The following RBM5 variants were observed in gnomAD, a reference collection of about 807,000 sequenced individuals.
RBM5 encodes RNA-binding protein 5.
A neutral mutation model predicts 124.6 loss-of-function variants in RBM5; 15 were observed. That is an observed-to-expected ratio of 0.12 (90% CI 0.08 to 0.19). The LOEUF is 0.19. RBM5 is among the 10% of genes least tolerant of loss of function. The pLI, the probability that RBM5 is intolerant of heterozygous loss-of-function variation, is 1.00. For synonymous variants in RBM5, 337 were observed against 361.2 expected, an observed-to-expected ratio of 0.93 and a Z score of 0.76; for missense variants, 580 against 1,026.5, an observed-to-expected ratio of 0.57 and a Z score of 5.94.
Position 50,117,414 on chromosome 3 carries a change from G to A in RBM5, c.2322+35G>A, listed in dbSNP as rs202141974. 1.2e-5 allele frequency: 20 copies of A among 1,610,756 alleles called. No individual in the cohort carries two copies. In the African/African-American group the frequency reaches 2.5e-4, roughly 20 times the overall value. On this transcript the variant is annotated intron_variant, in intron 24 of 24. Transcript: ENST00000347869. This position sits in a 1 kb window ranked among gnomAD's most constrained non-coding sequence, Gnocchi z 4.2. Reference sequence around the variant, plus strand: ...GGGGTCAGGTCTTGATGTTTGCCAGGCTTACAGGCCGGTTCCAGAGATGAG... The same window carrying A: ...GGGGTCAGGTCTTGATGTTTGCCAGACTTACAGGCCGGTTCCAGAGATGAG...
At chr3:50,113,731 T>G (rs1455675377) in intron 18 of RBM5, among the ~76,000 whole-genome samples, 187 bp downstream of exon 18, 1 of 152,220 alleles carries the variant, frequency 6.6e-6, no homozygotes, top group African/African-American at 2.4e-5. Context: ...GCCTGTGTAC[T>G]TAGGGAAAAA....
chr3:50,113,573 T>G (rs1347626738), intron 18 of RBM5, 29 bp downstream of exon 18: 3 of 1,591,986 alleles, frequency 1.9e-6, no homozygotes, highest in Non-Finnish European at 2.6e-6. Context: ...TTTCTTTCAT[T>G]GAGGTATTGG....
At chr3:50,116,289 C>T (rs905501415) in intron 22 of RBM5, 5 of 304,734 alleles carry the variant, frequency 1.6e-5, no homozygotes, top group Non-Finnish European at 3.1e-5. Flanking sequence ...TTGGCCTGGC[C>T]AGGGAAGCCT....
chr3:50,115,412 C>T lies in RBM5; in HGVS notation c.1840-16C>T, dbSNP rs781366684. 6.2e-6 allele frequency: 10 copies of T among 1,610,496 alleles called. No homozygotes were observed. In the Admixed American group the frequency reaches 8.5e-5, roughly 14 times the overall value. On this transcript the variant is annotated splice_polypyrimidine_tract_variant and intron_variant, in intron 20 of 24. Coordinates refer to ENST00000347869, the MANE Select transcript of RBM5 (RefSeq NM_005778.4). Reference sequence around the variant, plus strand: ...TATTGTACATTTCCAGTGACCTGTCCTCCTTTTGTCTCCAGAGGGGTCTGG... The same window carrying T: ...TATTGTACATTTCCAGTGACCTGTCTTCCTTTTGTCTCCAGAGGGGTCTGG...
chr3:50,093,808 T>C lies in RBM5; in HGVS notation c.272T>C (p.Ile91Thr). 2 of 1,614,064 alleles carry C rather than the reference T, an allele frequency of 1.2e-6. No homozygotes were observed. The highest frequency in any genetic ancestry group is 1.7e-6 in the Non-Finnish European group (2 of 1,179,938). The change falls in exon 4 of 25, where the codon ATC (isoleucine) becomes ACC (threonine). Residue 91 changes from isoleucine (I) to threonine (T), a missense_variant. Physicochemically the swap from Ile to Thr is moderately conservative, Grantham distance 89. Coordinates refer to ENST00000347869, the MANE Select transcript of RBM5 (RefSeq NM_005778.4). Reference sequence around the variant, plus strand: ...GGTGAGCACGACTATAGGCATGACATCAGTGACGAGAGGGAGAGCAAGACC... The same window carrying C: ...GGTGAGCACGACTATAGGCATGACACCAGTGACGAGAGGGAGAGCAAGACC... ...DYGEHDYRHD[I>T]SDERESKTIM...
intron 16 of RBM5, 41 bp downstream of exon 16, chr3:50,110,504 T>C: frequency 6.4e-7 from 1 of 1,574,636 alleles, no homozygotes; most frequent in Non-Finnish European, 8.7e-7. Flanking sequence ...TTGGAAGGTC[T>C]TAGTTGTTGT....
At chr3:50,115,732 C>G (rs992515784) in intron 21 of RBM5, 125 bp downstream of exon 21, 135 of 1,288,510 alleles carry the variant, frequency 1.0e-4, no homozygotes, top group Non-Finnish European at 1.2e-4. Context: ...GAAAGCTGTT[C>G]CCGATGACAG....
intron 17 of RBM5, among the ~76,000 whole-genome samples, chr3:50,111,468 C>G (rs2091143434): frequency 6.6e-6 from 1 of 152,126 alleles, no homozygotes; most frequent in African/African-American, 2.4e-5. Flanking sequence ...CCTCCACCTC[C>G]TGGGTTCAAG....
At chr3:50,116,108 A>T (rs757139941) in intron 22 of RBM5, 128 bp downstream of exon 22, 11 of 858,916 alleles carry the variant, frequency 1.3e-5, no homozygotes, top group Non-Finnish European at 2.1e-5. Flanking sequence ...TCATCTGACC[A>T]TTGTAGTTCA....
chr3:50,105,767 G>T, intron 10 of RBM5, 58 bp downstream of exon 10: 1 of 1,567,786 alleles, frequency 6.4e-7, no homozygotes. Flanking sequence ...AGGCAAATGT[G>T]GTTCATCCAG....
intron 10 of RBM5, among the ~76,000 whole-genome samples, chr3:50,106,204 TCTCGG>T (rs2091028641): frequency 7.5e-6 from 1 of 133,408 alleles, no homozygotes; most frequent in Non-Finnish European, 1.6e-5. Context: ...AGTGGTGTGA[TCTCGG>T]CTCACTGCAA....
Position 50,108,177 on chromosome 3 carries a change from T to C in RBM5, c.1119+30T>C, listed in dbSNP as rs773306271. ...GTAGATTTTAGCAGCATCCACCTTA[T>C]AGTCTTGCAGAGTGTGTCTGAGAAT... On this transcript the variant is annotated intron_variant, in intron 13 of 24. Coordinates refer to ENST00000347869, the MANE Select transcript of RBM5 (RefSeq NM_005778.4). The C allele has an allele frequency of 1.8e-5, 29 of 1,601,790 alleles. 2 individuals are homozygous for C. The Middle Eastern group carries it at 4.3e-3, about 238-fold the overall frequency.
intron 4 of RBM5, chr3:50,099,682 A>G (rs1575311568): frequency 5.6e-6 from 1 of 180,010 alleles, no homozygotes; most frequent in African/African-American, 2.4e-5. Context: ...TGGGTGACAG[A>G]GCGAGACTCC....
At chr3:50,115,291 G>T (rs771629353) in intron 20 of RBM5, 137 bp from the exon 21 acceptor site, 2 of 1,060,666 alleles carry the variant, frequency 1.9e-6, no homozygotes, top group Non-Finnish European at 1.4e-6. Context: ...GACAAAATGT[G>T]ATTCATTACT....
chr3:50,100,878 C>A lies in RBM5; in HGVS notation c.483+273C>A, dbSNP rs572103733. 1.5e-5 allele frequency: 5 copies of A among 342,908 alleles called. No individual in the cohort carries two copies. In the South Asian group the frequency reaches 5.7e-4, roughly 39 times the overall value. 21.2% of individuals were successfully genotyped at this position (342,908 alleles called of 1,614,324 possible). On this transcript the variant is annotated intron_variant, in intron 6 of 24. Coordinates refer to ENST00000347869, the MANE Select transcript of RBM5 (RefSeq NM_005778.4). This position sits in a 1 kb window ranked among gnomAD's most constrained non-coding sequence, Gnocchi z 5.1. Reference sequence around the variant, plus strand: ...AATCACTAAAACATCTTAATGTTTCCCTTTTTTCTAGTTTGTTATATTCCT... The same window carrying A: ...AATCACTAAAACATCTTAATGTTTCACTTTTTTCTAGTTTGTTATATTCCT...
intron 6 of RBM5, chr3:50,102,677 C>T (rs557724933): frequency 2.1e-4 from 37 of 175,726 alleles, no homozygotes; most frequent in Admixed American, 9.5e-4. Context: ...AAAGGTGAAG[C>T]GAAGCCCAAG....
intron 17 of RBM5, among the ~76,000 whole-genome samples, chr3:50,111,457 G>T (rs2091142933): frequency 6.6e-6 from 1 of 151,982 alleles, no homozygotes; most frequent in Admixed American, 6.6e-5. Context: ...GCTCACTGCA[G>T]CCTCCACCTC....
At chr3:50,091,931 A>T in intron 2 of RBM5, 112 bp from the exon 3 acceptor site, 4 of 1,028,326 alleles carry the variant, frequency 3.9e-6, no homozygotes, top group Non-Finnish European at 5.4e-6. Context: ...AACACTTTAA[A>T]CTATTTGGAT....
At chr3:50,116,354 G>T (rs553072844) in intron 22 of RBM5, 86 of 208,442 alleles carry the variant, frequency 4.1e-4, no homozygotes, top group African/African-American at 1.8e-3. Flanking sequence ...AGGACGTGAG[G>T]TTATTGCAGG....
Sources: gnomAD v4.1 joint callset for allele counts (sites outside exome capture counted in the v4.1 genomes callset) on GRCh38, gnomAD v4.1.1 for gene constraint, Gnocchi (gnomAD v3.1) non-coding constraint, MANE v1.5 for transcripts, NCBI Gene and HGNC (gene_info 2026-07-23, HGNC 2026-07-21) for gene names.